The following PDE3B variants were observed in gnomAD, a reference collection of about 807,000 sequenced individuals.
PDE3B encodes the protein phosphodiesterase 3B.
Under a neutral mutation model 116.8 loss-of-function variants are expected in PDE3B, and 66 were observed. The observed-to-expected ratio is 0.56, with a 90% CI of 0.46 to 0.69. PDE3B has a LOEUF of 0.69. PDE3B is among the 30% of genes least tolerant of loss of function. The probability of loss-of-function intolerance (pLI) is 0.00; values close to 1 mark genes in which losing one functional copy is unlikely to be tolerated. For synonymous variants in PDE3B, 595 were observed against 533.6 expected, an observed-to-expected ratio of 1.12 and a Z score of -1.59; for missense variants, 1,384 against 1,368.1, an observed-to-expected ratio of 1.01 and a Z score of -0.18.
At chr11:14,662,204 G>C (rs1853949495) in intron 1 of PDE3B, among the ~76,000 whole-genome samples, 1 of 152,186 alleles carries the variant, frequency 6.6e-6, no homozygotes, top group Non-Finnish European at 1.5e-5. Flanking sequence ...ACAGGGTCTG[G>C]AGTGCACCTC....
intron 1 of PDE3B, among the ~76,000 whole-genome samples, chr11:14,757,048 T>A (rs528833101): frequency 2.0e-5 from 3 of 150,012 alleles, no homozygotes; most frequent in Non-Finnish European, 3.0e-5. Context: ...TGAGAATATG[T>A]GGTGTTTGGT....
intron 5 of PDE3B, among the ~76,000 whole-genome samples, chr11:14,814,010 G>C (rs939801811): frequency 2.6e-5 from 4 of 152,074 alleles, no homozygotes; most frequent in African/African-American, 9.7e-5. Context: ...ATACTCATAT[G>C]GTCATCTTAA....
At chr11:14,722,789 A>C (rs1215408455) in intron 1 of PDE3B, among the ~76,000 whole-genome samples, 1 of 152,174 alleles carries the variant, frequency 6.6e-6, no homozygotes. Context: ...ACCCACAGAA[A>C]CTGAGATAAA....
At chr11:14,858,134 T>A (rs1203027188) in intron 12 of PDE3B, among the ~76,000 whole-genome samples, 1 of 152,216 alleles carries the variant, frequency 6.6e-6, no homozygotes, top group African/African-American at 2.4e-5. Flanking sequence ...GTAGAGCTAT[T>A]CAATTAAGCT....
At chr11:14,685,280 G>C (rs2133799216) in intron 1 of PDE3B, among the ~76,000 whole-genome samples, 1 of 151,894 alleles carries the variant, frequency 6.6e-6, no homozygotes, top group East Asian at 1.9e-4. Context: ...CAGTGTCCCT[G>C]ACTTCCCGCA....
the PDE3B span, chr11:14,890,360 G>A: frequency 2.2e-6 from 1 of 454,538 alleles, no homozygotes; most frequent in African/African-American, 2.1e-5. Context: ...TATATTACAT[G>A]AAAATCATGG....
chr11:14,782,000 C>T (rs1186854588), intron 2 of PDE3B, among the ~76,000 whole-genome samples: 2 of 152,156 alleles, frequency 1.3e-5, no homozygotes, highest in Non-Finnish European at 2.9e-5. Context: ...AAATCACAAG[C>T]ATTCTTATAC....
At chr11:14,721,849 A>G (rs1172550666) in intron 1 of PDE3B, among the ~76,000 whole-genome samples, 15 of 137,098 alleles carry the variant, frequency 1.1e-4, no homozygotes, top group African/African-American at 3.9e-4. Context: ...TGGGTGCAGC[A>G]CACCAGCATG....
intron 1 of PDE3B, among the ~76,000 whole-genome samples, chr11:14,722,164 T>C (rs1245845687): frequency 7.9e-6 from 1 of 126,090 alleles, no homozygotes; most frequent in African/African-American, 3.1e-5. Context: ...TGTTGTGGAA[T>C]AGGGGGACGG....
At chr11:14,673,561 A>G (rs1854438120) in intron 1 of PDE3B, 3 of 515,336 alleles carry the variant, frequency 5.8e-6, no homozygotes, top group Non-Finnish European at 1.1e-5. Context: ...AGATCCAAAC[A>G]TAAGTGAGTG....
At chr11:14,814,516 G>A (rs1057129517) in intron 5 of PDE3B, among the ~76,000 whole-genome samples, 6 of 152,126 alleles carry the variant, frequency 3.9e-5, no homozygotes, top group South Asian at 2.1e-4. Context: ...CACCAATTAC[G>A]TAGAGATAAA....
chr11:14,653,712 T>A (rs1853629247), intron 1 of PDE3B, among the ~76,000 whole-genome samples: 1 of 152,030 alleles, frequency 6.6e-6, no homozygotes. Context: ...AAAAAAACTG[T>A]CGCTGGCCGA....
chr11:14,880,838 T>C, the PDE3B span: 51 of 1,440,034 alleles, frequency 3.5e-5, no homozygotes, highest in Non-Finnish European at 4.6e-5. Flanking sequence ...GGGAACAAAA[T>C]TTTTTTAATG....
Position 14,697,523 on chromosome 11 carries a change from G to A in PDE3B, c.978+52470G>A, listed in dbSNP as rs555887018. Among the ~76,000 whole-genome samples the A allele has an allele frequency of 1.1e-4, 16 of 152,156 alleles. No individual in the cohort carries two copies. In the South Asian group the frequency reaches 3.1e-3, roughly 30 times the overall value. Reference sequence around the variant, plus strand: ...TAAATTTTGAAGTCTGGTAGTGTCAGTTCTCAACTTTGTTCTTAAAGATTG... The same window carrying A: ...TAAATTTTGAAGTCTGGTAGTGTCAATTCTCAACTTTGTTCTTAAAGATTG... On this transcript the variant is annotated intron_variant, in intron 1 of 15. Transcript: ENST00000282096.
chr11:14,706,893 A>G (rs1428690924), intron 1 of PDE3B, among the ~76,000 whole-genome samples: 3 of 151,938 alleles, frequency 2.0e-5, no homozygotes, highest in Non-Finnish European at 4.4e-5. Flanking sequence ...ATTAGAATGT[A>G]TCTTAGACAT....
At chr11:14,824,671 T>A (rs1859631567) in intron 7 of PDE3B, among the ~76,000 whole-genome samples, 1 of 152,132 alleles carries the variant, frequency 6.6e-6, no homozygotes, top group African/African-American at 2.4e-5. Context: ...ATCATTGACA[T>A]CCCTGACAGG....
intron 1 of PDE3B, among the ~76,000 whole-genome samples, chr11:14,685,068 A>G (rs1854828853): frequency 6.6e-6 from 1 of 152,240 alleles, no homozygotes; most frequent in South Asian, 2.1e-4. Flanking sequence ...CAGGCATAAG[A>G]AATTATAAAA....
chr11:14,818,133 C>G (rs753080368), intron 5 of PDE3B, 50 bp from the exon 6 acceptor site: 4 of 1,157,876 alleles, frequency 3.5e-6, no homozygotes, highest in Middle Eastern at 2.0e-4. Flanking sequence ...TAAACATACA[C>G]ACATAAATAC....
At chr11:14,683,139 C>T (rs750909141) in intron 1 of PDE3B, among the ~76,000 whole-genome samples, 3 of 152,006 alleles carry the variant, frequency 2.0e-5, no homozygotes, top group African/African-American at 4.8e-5. Flanking sequence ...AGGGTTTCTC[C>T]ATGTTGATCA....
Sources: gnomAD v4.1 joint callset for allele counts (sites outside exome capture counted in the v4.1 genomes callset) on GRCh38, gnomAD v4.1.1 for gene constraint, MANE v1.5 for transcripts, NCBI Gene and HGNC (gene_info 2026-07-23, HGNC 2026-07-21) for gene names.